The following MAOA variants were observed in gnomAD, a reference collection of about 807,000 sequenced individuals.
The protein encoded by MAOA is monoamine oxidase A.
MAOA carries 6 observed loss-of-function variants against 42.0 expected under a neutral mutation model. That is an observed-to-expected ratio of 0.14 (90% CI 0.08 to 0.28). The LOEUF (loss-of-function observed/expected upper bound fraction) is 0.28. Ranked by LOEUF, MAOA falls within the 10% of genes least tolerant of loss-of-function variation. The pLI is 1.00. For missense variants in MAOA, 262 were observed against 422.3 expected (o/e 0.62, Z 3.33); for synonymous variants, 140 against 154.0 (o/e 0.91, Z 0.67).
chrX:43,740,769 G>A, intron 11 of MAOA, 31 bp downstream of exon 11: 1 of 1,155,045 alleles, frequency 8.7e-7, no homozygotes, highest in South Asian at 1.9e-5. Context: ...ATCCCTAGCA[G>A]GTTCTTCTCT....
intron 6 of MAOA, among the ~76,000 whole-genome samples, chrX:43,729,946 C>A (rs1003381529): frequency 9.0e-6 from 1 of 110,937 alleles, no homozygotes; most frequent in African/African-American, 3.3e-5. Context: ...GTAATCCCAG[C>A]ACTTTTGGAG....
intron 5 of MAOA, among the ~76,000 whole-genome samples, chrX:43,723,502 A>G (rs1162889099): frequency 9.0e-6 from 1 of 111,720 alleles, no homozygotes; most frequent in African/African-American, 3.3e-5. Context: ...TTATTGGTGT[A>G]TAGGAATGCT....
At chrX:43,665,164 A>C (rs940565108) in intron 1 of MAOA, among the ~76,000 whole-genome samples, 5 of 111,962 alleles carry the variant, frequency 4.5e-5, no homozygotes, top group African/African-American at 1.3e-4. Context: ...TTGGGAGTTT[A>C]TTATGCTATT....
At chrX:43,687,217 G>A (rs896158607) in intron 2 of MAOA, among the ~76,000 whole-genome samples, 8 of 112,105 alleles carry the variant, frequency 7.1e-5, no homozygotes, top group African/African-American at 2.6e-4. Flanking sequence ...CAGTGTTACC[G>A]CTTCTAGTGT....
intron 1 of MAOA, among the ~76,000 whole-genome samples, chrX:43,666,011 T>C (rs754382354): frequency 8.9e-6 from 1 of 112,187 alleles, no homozygotes; most frequent in African/African-American, 3.2e-5. Context: ...TAAAATGACA[T>C]GCCACCGTAT....
At chrX:43,727,135 G>A (rs1190220229) in intron 5 of MAOA, among the ~76,000 whole-genome samples, 1 of 112,134 alleles carries the variant, frequency 8.9e-6, no homozygotes, top group Non-Finnish European at 1.9e-5. Context: ...GTGTCTCTCA[G>A]TCAGGCTACA....
intron 14 of MAOA, 32 bp from the exon 15 acceptor site, chrX:43,744,335 T>G: frequency 8.3e-7 from 1 of 1,208,068 alleles, no homozygotes; most frequent in East Asian, 3.0e-5. Flanking sequence ...CAGCATGAGT[T>G]TTTTGCTCAT....
chrX:43,731,205 CATA>C (rs2033877945), intron 6 of MAOA, 33 bp from the exon 7 acceptor site: 1 of 1,197,204 alleles, frequency 8.4e-7, no homozygotes, highest in African/African-American at 1.8e-5. Flanking sequence ...CTTGGGCTTT[CATA>C]ATGTTTCCTT....
At chrX:43,708,824 G>C (rs1188229951) in intron 3 of MAOA, among the ~76,000 whole-genome samples, 1 of 107,100 alleles carries the variant, frequency 9.3e-6, no homozygotes, top group Non-Finnish European at 1.9e-5. Flanking sequence ...CACCATGCCC[G>C]GCTGATTTTT....
chrX:43,695,996 T>A (rs1035565068), intron 3 of MAOA, among the ~76,000 whole-genome samples: 1 of 111,787 alleles, frequency 8.9e-6, no homozygotes, highest in African/African-American at 3.3e-5. Flanking sequence ...GTCTCTGAAA[T>A]TTTCTGGGCT....
intron 3 of MAOA, among the ~76,000 whole-genome samples, chrX:43,694,517 T>C (rs182544944): frequency 3.6e-5 from 4 of 111,779 alleles, no homozygotes; most frequent in Admixed American, 9.5e-5. Flanking sequence ...GACTTGAAAA[T>C]CAGTAGTCTT....
chrX:43,735,880 A>T (rs187568505), intron 9 of MAOA, among the ~76,000 whole-genome samples: 1 of 113,180 alleles, frequency 8.8e-6, no homozygotes, highest in African/African-American at 3.2e-5. Context: ...TCCAGCTTTG[A>T]TAAAGTATTT....
At chrX:43,657,347 T>C (rs944745120) in intron 1 of MAOA, among the ~76,000 whole-genome samples, 2 of 106,548 alleles carry the variant, frequency 1.9e-5, no homozygotes, top group Non-Finnish European at 3.9e-5. Context: ...GGACATTTAT[T>C]GTCCAAAGAG....
chrX:43,742,125 C>A lies in MAOA; in HGVS notation c.1262+78C>A. ...GGAAAAGCAGAGTTCAATGCAAATT[C>A]TAGAAATAGTTGTCAAAATCCCCAT... On this transcript the variant is annotated intron_variant, in intron 12 of 14. Transcript: ENST00000338702. 6 of 1,183,278 alleles carry A rather than the reference C, an allele frequency of 5.1e-6. No individual in the cohort carries two copies. The South Asian group carries it at 1.1e-4, about 22-fold the overall frequency.
intron 6 of MAOA, among the ~76,000 whole-genome samples, chrX:43,729,538 G>A (rs2033863860): frequency 8.9e-6 from 1 of 112,271 alleles, no homozygotes; most frequent in South Asian, 3.7e-4. Flanking sequence ...AAAACTCAAA[G>A]TACCTCTTAG....
chrX:43,744,344 A>G lies in MAOA; in HGVS notation c.1438-23A>G, dbSNP rs1405071984. 7 of 1,210,482 alleles carry G rather than the reference A, an allele frequency of 5.8e-6. 1 individual carries two copies. The East Asian group carries it at 2.1e-4, about 36-fold the overall frequency. On this transcript the variant is annotated intron_variant, in intron 14 of 14. Coordinates refer to ENST00000338702, the MANE Select transcript of MAOA (RefSeq NM_000240.4). ...CCTTGTCAGCATGAGTTTTTTGCTC[A>G]TGATCTGTGTTCCTTCATCTAGGAC...
chrX:43,718,647 G>A (rs772140846), intron 5 of MAOA, among the ~76,000 whole-genome samples: 14 of 109,730 alleles, frequency 1.3e-4, no homozygotes, highest in African/African-American at 4.0e-4. Context: ...GCATGGTATC[G>A]TTGTGGAATG....
intron 3 of MAOA, among the ~76,000 whole-genome samples, chrX:43,709,270 T>C (rs1301626441): frequency 8.9e-6 from 1 of 111,843 alleles, no homozygotes; most frequent in African/African-American, 3.3e-5. Flanking sequence ...AAGGCTCAGA[T>C]CAAGGGGTCT....
intron 12 of MAOA, 89 bp downstream of exon 12, chrX:43,742,136 T>A (rs1318971103): frequency 8.6e-6 from 10 of 1,165,612 alleles, no homozygotes; most frequent in African/African-American, 1.8e-5. Flanking sequence ...TAGAAATAGT[T>A]GTCAAAATCC....
Sources: gnomAD v4.1 joint callset for allele counts (sites outside exome capture counted in the v4.1 genomes callset) on GRCh38, gnomAD v4.1.1 for gene constraint, MANE v1.5 for transcripts, NCBI Gene and HGNC (gene_info 2026-07-23, HGNC 2026-07-21) for gene names.